MLLT3: variants seen among roughly 807,000 people sequenced by gnomAD.
MLLT3 encodes MLLT3 super elongation complex subunit.
In MLLT3, 4 loss-of-function variants were observed where a neutral mutation model predicts 53.2. The observed-to-expected ratio is 0.08, with a 90% CI of 0.04 to 0.17. The LOEUF (loss-of-function observed/expected upper bound fraction) is 0.17, where lower values mean the gene tolerates loss of function less well. MLLT3 is among the 10% of genes least tolerant of loss of function. The probability of loss-of-function intolerance (pLI) is 1.00; values close to 1 mark genes in which losing one functional copy is unlikely to be tolerated. For missense variants in MLLT3, 569 were observed against 684.0 expected, an observed-to-expected ratio of 0.83 and a Z score of 1.87; for synonymous variants, 283 against 230.6, an observed-to-expected ratio of 1.23 and a Z score of -2.06.
intron 2 of MLLT3, among the ~76,000 whole-genome samples, chr9:20,564,417 C>T (rs896738344): frequency 4.6e-5 from 7 of 151,522 alleles, no homozygotes; most frequent in African/African-American, 1.7e-4. Context: ...ATAAATGACT[C>T]CTGTATGTTT....
intron 4 of MLLT3, among the ~76,000 whole-genome samples, chr9:20,447,627 T>C (rs532935141): frequency 4.9e-4 from 75 of 152,340 alleles, no homozygotes; most frequent in African/African-American, 1.8e-3. Flanking sequence ...AATCCATCTT[T>C]TATCAACATA....
intron 4 of MLLT3, among the ~76,000 whole-genome samples, chr9:20,438,155 A>G (rs1304881852): frequency 1.3e-5 from 2 of 152,250 alleles, no homozygotes; most frequent in African/African-American, 4.8e-5. Flanking sequence ...ACACTCTGAT[A>G]ACAAATTTTC....
At chr9:20,386,416 T>G (rs1822037571) in intron 5 of MLLT3, among the ~76,000 whole-genome samples, 1 of 152,226 alleles carries the variant, frequency 6.6e-6, no homozygotes, top group East Asian at 1.9e-4. Flanking sequence ...TCTGACAAGT[T>G]AGCCTCTGAA....
At chr9:20,400,857 T>C (rs1021396431) in intron 5 of MLLT3, among the ~76,000 whole-genome samples, 3 of 152,302 alleles carry the variant, frequency 2.0e-5, no homozygotes, top group East Asian at 3.9e-4. Context: ...AAGTGACCCA[T>C]AACACCATAA....
chr9:20,562,260 A>G (rs1250809643), intron 2 of MLLT3, among the ~76,000 whole-genome samples: 1 of 152,106 alleles, frequency 6.6e-6, no homozygotes, highest in Admixed American at 6.6e-5. Flanking sequence ...CAGAACCAAA[A>G]GCAAAAATAT....
chr9:20,423,502 C>T (rs1394418877), intron 4 of MLLT3, among the ~76,000 whole-genome samples: 1 of 152,024 alleles, frequency 6.6e-6, no homozygotes, highest in East Asian at 1.9e-4. Flanking sequence ...CAGATTCAAC[C>T]AACCACGGAC....
In MLLT3 at chr9:20,570,757, C is replaced by T. The variant is rs1471668804; in HGVS notation, c.193+49897G>A. On this transcript the variant is annotated intron_variant, in intron 2 of 10. Coordinates refer to ENST00000380338, the MANE Select transcript of MLLT3 (RefSeq NM_004529.4). ...ATTCCTAGCAATACCGATTGTTCTTCTTTAAAAAGCAACCCAATAAAATAA... is the reference window on the plus strand; with the variant it reads ...ATTCCTAGCAATACCGATTGTTCTTTTTTAAAAAGCAACCCAATAAAATAA... Among the ~76,000 whole-genome samples the T allele has an allele frequency of 3.5e-5, 5 of 144,848 alleles. No individual in the cohort carries two copies. The East Asian group carries it at 7.7e-4, about 22-fold the overall frequency.
intron 5 of MLLT3, among the ~76,000 whole-genome samples, chr9:20,404,391 T>C (rs529063232): frequency 5.9e-5 from 9 of 152,342 alleles, no homozygotes. Context: ...TATGACATCA[T>C]TAATATTTTG....
At position 20,622,380 on chromosome 9, in the gene MLLT3, G is replaced by A; in HGVS notation, c.-124C>T. The A allele has an allele frequency of 1.1e-6, 1 of 879,840 alleles. No individual in the cohort carries two copies. Among genetic ancestry groups the A allele is most frequent in the Non-Finnish European group, 1.7e-6 (1 of 594,384 alleles). The allele number at this position is 879,840 out of a possible 1,614,324, so 54.5% of individuals were successfully genotyped here. ...GCGCGCCCAGGAGCGGAGGGTAGAT[G>A]GCGGACATTCTCTGCCTTTTTCCCC... On this transcript the variant is annotated 5_prime_UTR_variant, in exon 1 of 11. Coordinates refer to ENST00000380338, the MANE Select transcript of MLLT3 (RefSeq NM_004529.4).
chr9:20,596,215 AAAAAATAAATGCTGAAT>A (rs1253193156), intron 2 of MLLT3, among the ~76,000 whole-genome samples: 1 of 152,226 alleles, frequency 6.6e-6, no homozygotes, highest in African/African-American at 2.4e-5. Context: ...TCTTGACTAC[AAAAAATAAATGCTGAAT>A]AAAAGCTTGC....
intron 4 of MLLT3, among the ~76,000 whole-genome samples, chr9:20,429,297 G>A (rs1050461430): frequency 6.6e-6 from 1 of 152,152 alleles, no homozygotes; most frequent in Non-Finnish European, 1.5e-5. Flanking sequence ...GAGCCCAGGA[G>A]TTGGAGGCTG....
chr9:20,428,558 G>T (rs151046161), intron 4 of MLLT3, among the ~76,000 whole-genome samples: 292 of 152,068 alleles, frequency 1.9e-3, no homozygotes, highest in African/African-American at 6.4e-3. Context: ...AATTAAAATA[G>T]GACTTGAAAA....
chr9:20,619,312 A>C (rs924973847), intron 2 of MLLT3, among the ~76,000 whole-genome samples: 1 of 152,244 alleles, frequency 6.6e-6, no homozygotes, highest in African/African-American at 2.4e-5. Flanking sequence ...CAACCGTTCA[A>C]GTTTTCAGGA....
chr9:20,499,794 G>C (rs1216568343), intron 2 of MLLT3, among the ~76,000 whole-genome samples: 1 of 152,158 alleles, frequency 6.6e-6, no homozygotes, highest in Non-Finnish European at 1.5e-5. Flanking sequence ...GTGTAAAAAT[G>C]TAGCATCCTC....
chr9:20,492,537 A>G (rs1391717827), intron 2 of MLLT3, among the ~76,000 whole-genome samples: 1 of 151,958 alleles, frequency 6.6e-6, no homozygotes, highest in Non-Finnish European at 1.5e-5. Flanking sequence ...TAAAATCATG[A>G]AAACATCACT....
intron 4 of MLLT3, among the ~76,000 whole-genome samples, chr9:20,435,373 G>T (rs543400454): frequency 6.6e-6 from 1 of 152,182 alleles, no homozygotes; most frequent in East Asian, 1.9e-4. Flanking sequence ...AACTGAGGTA[G>T]ATTATTCCAA....
At chr9:20,506,308 T>C (rs1033316438) in intron 2 of MLLT3, among the ~76,000 whole-genome samples, 1 of 152,186 alleles carries the variant, frequency 6.6e-6, no homozygotes, top group African/African-American at 2.4e-5. Context: ...CCCGAAGTGC[T>C]GGGATTACAG....
intron 5 of MLLT3, among the ~76,000 whole-genome samples, chr9:20,368,984 G>C (rs1821524965): frequency 6.6e-6 from 1 of 152,204 alleles, no homozygotes; most frequent in South Asian, 2.1e-4. Flanking sequence ...TCACACTTTG[G>C]TGGACAACAG....
intron 2 of MLLT3, among the ~76,000 whole-genome samples, chr9:20,589,312 T>C (rs1265294586): frequency 6.6e-6 from 1 of 151,836 alleles, no homozygotes; most frequent in Non-Finnish European, 1.5e-5. Flanking sequence ...GAAACCATCA[T>C]TCTCAGTAAA....
Sources: gnomAD v4.1 joint callset for allele counts (sites outside exome capture counted in the v4.1 genomes callset) on GRCh38, gnomAD v4.1.1 for gene constraint, MANE v1.5 for transcripts, NCBI Gene and HGNC (gene_info 2026-07-23, HGNC 2026-07-21) for gene names.